AKR7A2: variants seen among roughly 807,000 people sequenced by gnomAD.
AKR7A2 encodes aldo-keto reductase family 7 member A2, also known as aflatoxin B1 aldehyde reductase member 2.
In AKR7A2, 29 loss-of-function variants were observed where a neutral mutation model predicts 37.3. That is an observed-to-expected ratio of 0.78 (90% CI 0.58 to 1.06). The LOEUF is 1.06. Among genes scored for constraint, AKR7A2 ranks in the 50% least tolerant of loss-of-function variants. The pLI is 0.00. For synonymous variants in AKR7A2, 228 were observed against 217.8 expected (o/e 1.05, Z -0.41); for missense variants, 529 against 497.9 (o/e 1.06, Z -0.59).
chr1:19,311,013 T>C (rs987415164), intron 1 of AKR7A2, among the ~76,000 whole-genome samples: 5 of 152,154 alleles, frequency 3.3e-5, no homozygotes, highest in African/African-American at 9.7e-5. Context: ...ATCACGCACA[T>C]TGCATTTCCA....
At chr1:19,308,755 G>C (rs1370264642) in intron 1 of AKR7A2, 113 bp from the exon 2 acceptor site, 1 of 1,069,706 alleles carries the variant, frequency 9.3e-7, no homozygotes, top group Admixed American at 1.9e-5. Context: ...CTGTAAAATG[G>C]GGTGATAATA....
chr1:19,311,178 C>G (rs935035712), intron 1 of AKR7A2, among the ~76,000 whole-genome samples: 1 of 152,224 alleles, frequency 6.6e-6, no homozygotes, highest in Non-Finnish European at 1.5e-5. Flanking sequence ...CTCTTCTGGG[C>G]TCTCCAGCAA....
intron 1 of AKR7A2, among the ~76,000 whole-genome samples, chr1:19,311,077 T>C (rs2093773532): frequency 6.6e-6 from 1 of 152,226 alleles, no homozygotes; most frequent in Non-Finnish European, 1.5e-5. Context: ...TCCTCCAACC[T>C]ACCATTGAGC....
chr1:19,311,951 C>G lies in AKR7A2; in HGVS notation c.174G>C (p.Ala58=). The change falls in exon 1 of 7, where the codon GCG becomes GCC. Residue 58 remains alanine (A), a synonymous_variant. Transcript: ENST00000235835. The part of the protein sequence containing the change: ...GRRMDAPASA[A]AVRAFLERGH... Reference sequence around the variant, plus strand: ...CGCGCTCCAGAAAGGCGCGCACGGCCGCGGCGCTGGCGGGCGCGTCCATGC... The same window carrying G: ...CGCGCTCCAGAAAGGCGCGCACGGCGGCGGCGCTGGCGGGCGCGTCCATGC... 6.3e-7 allele frequency: 1 copy of G among 1,592,270 alleles called. No individual in the cohort carries two copies. Among genetic ancestry groups the G allele is most frequent in the Non-Finnish European group, 8.5e-7 (1 of 1,170,568 alleles).
At chr1:19,307,615 G>A (rs1427339443) in intron 3 of AKR7A2, 4 of 633,566 alleles carry the variant, frequency 6.3e-6, no homozygotes, top group Non-Finnish European at 8.5e-6. Flanking sequence ...AATATCTGCT[G>A]TATGAACTCC....
intron 5 of AKR7A2, among the ~76,000 whole-genome samples, chr1:19,306,665 C>T (rs1167652427): frequency 6.6e-6 from 1 of 151,626 alleles, no homozygotes; most frequent in Non-Finnish European, 1.5e-5. Context: ...CTCATGAGCT[C>T]AAGTAACCCT....
intron 1 of AKR7A2, among the ~76,000 whole-genome samples, chr1:19,309,848 G>C (rs1299758421): frequency 6.6e-6 from 1 of 152,068 alleles, no homozygotes; most frequent in Non-Finnish European, 1.5e-5. Context: ...GCTGAAGTGG[G>C]TGGATCACCT....
chr1:19,306,204 C>G, intron 5 of AKR7A2, 57 bp from the exon 6 acceptor site: 2 of 1,612,666 alleles, frequency 1.2e-6, no homozygotes, highest in South Asian at 1.1e-5. Flanking sequence ...CACTGGGAGC[C>G]GCAACCAAAT....
At chr1:19,304,928 G>A (rs905564545) in intron 6 of AKR7A2, 8 of 161,872 alleles carry the variant, frequency 4.9e-5, no homozygotes, top group African/African-American at 1.2e-4. Context: ...AACAGAGTGA[G>A]ACTCTGTCTC....
At position 19,312,015 on chromosome 1, in the gene AKR7A2, C is replaced by T; in HGVS notation, c.110G>A (p.Arg37Gln). 6.8e-7 allele frequency: 1 copy of T among 1,462,244 alleles called. No homozygotes were observed. The allele number at this position is 1,462,244 out of a possible 1,614,324, so 90.6% of individuals were successfully genotyped here. Residue 37 changes from arginine (R) to glutamine (Q), a missense_variant, in exon 1 of 7, where the codon CGG (arginine) becomes CAG (glutamine). Transcript: ENST00000235835. ...CATGGTGCCCAGCACCGAGGCGACC[C>T]GCGGTGGCGGTGGCCGGGACATGGC... ...ALAMSRPPPP[R>Q]VASVLGTMEM...
At chr1:19,310,789 G>C (rs1214751495) in intron 1 of AKR7A2, among the ~76,000 whole-genome samples, 1 of 152,060 alleles carries the variant, frequency 6.6e-6, no homozygotes, top group Admixed American at 6.5e-5. Context: ...TGACTCAGGA[G>C]GACCCAGAGA....
intron 4 of AKR7A2, 75 bp from the exon 5 acceptor site, chr1:19,307,176 A>G (rs2093763156): frequency 6.3e-7 from 1 of 1,596,520 alleles, no homozygotes; most frequent in Non-Finnish European, 8.6e-7. Flanking sequence ...GCTCTGGTCT[A>G]GGGGAGGGGC....
downstream of AKR7A2, among the ~76,000 whole-genome samples, chr1:19,302,725 G>GT (rs1320473432): frequency 6.9e-6 from 1 of 145,356 alleles, no homozygotes; most frequent in Non-Finnish European, 1.5e-5. Context: ...GGGTCTGACT[G>GT]TGTCACCCAG....
intron 1 of AKR7A2, 54 bp downstream of exon 1, chr1:19,311,772 TG>T: frequency 6.2e-7 from 1 of 1,605,074 alleles, no homozygotes; most frequent in Non-Finnish European, 8.5e-7. Flanking sequence ...GGTGCACGGC[TG>T]GGGACAGGCT....
chr1:19,308,014 T>G, intron 3 of AKR7A2, 144 bp downstream of exon 3: 1 of 1,052,236 alleles, frequency 9.5e-7, no homozygotes, highest in South Asian at 1.3e-5. Flanking sequence ...AATGGCATCC[T>G]GAGGGTACAT....
intron 2 of AKR7A2, 38 bp downstream of exon 2, chr1:19,308,417 G>C (rs772167968): frequency 6.2e-7 from 1 of 1,608,986 alleles, no homozygotes; most frequent in South Asian, 1.1e-5. Context: ...AAAGAAAGGA[G>C]CAGGAGCCCA....
Position 19,308,537 on chromosome 1 carries a change from A to G in AKR7A2, c.404T>C (p.Val135Ala), listed in dbSNP as rs1212344330. ...TSLKRLQCPQVDLFYLHAPDH... is the reference protein window; with the variant it reads ...TSLKRLQCPQADLFYLHAPDH... ...AGGTGCGTGTAGGTAGAAGAGGTCC[A>G]CTTGGGGACACTGCAGCCTCTTCAA... Residue 135 changes from valine to alanine, a missense_variant, in exon 2 of 7, where the codon GTG becomes GCG. By Grantham distance (64) the Val-to-Ala change is moderately conservative (BLOSUM62 0). Coordinates refer to ENST00000235835, the MANE Select transcript of AKR7A2 (RefSeq NM_003689.4). The G allele has an allele frequency of 1.9e-6, 3 of 1,614,046 alleles. No homozygotes were observed. The highest frequency in any genetic ancestry group is 2.7e-5 in the African/African-American group (2 of 74,934).
At chr1:19,303,627 C>G (rs997652229), downstream of AKR7A2, among the ~76,000 whole-genome samples, 5 of 152,146 alleles carry the variant, frequency 3.3e-5, no homozygotes, top group African/African-American at 1.2e-4. Flanking sequence ...TCCACAGATC[C>G]TGGGAAGTGT....
In AKR7A2 at chr1:19,308,198, A is replaced by G; in HGVS notation, c.551T>C (p.Leu184Pro). 6.2e-7 allele frequency: 1 copy of G among 1,614,120 alleles called. No homozygotes were observed. The highest frequency in any genetic ancestry group is 8.5e-7 in the Non-Finnish European group (1 of 1,179,994). The change falls in exon 3 of 7, where the codon CTC (leucine) becomes CCC (proline). Residue 184 changes from leucine (L) to proline (P), a missense_variant. Leu to Pro is a moderately conservative substitution (Grantham distance 98). Transcript: ENST00000235835. Reference protein sequence around the residue: ...ASWEVAEICTLCKSNGWILPT... With the variant: ...ASWEVAEICTPCKSNGWILPT... ...CAGGATCCAGCCATTGCTCTTGCAG[A>G]GGGTACAGATCTCGGCCACTTCCCA...
Sources: allele counts gnomAD v4.1 joint callset (sites outside exome capture counted in the v4.1 genomes callset), GRCh38; gene constraint gnomAD v4.1.1; transcripts MANE v1.5; gene names NCBI Gene and HGNC (gene_info 2026-07-23, HGNC 2026-07-21).